TLR8: variants seen among roughly 807,000 people sequenced by gnomAD.
TLR8 encodes the protein toll like receptor 8, also known as toll-like receptor 8.
A neutral mutation model predicts 18.5 loss-of-function variants in TLR8; 5 were observed. The ratio of observed to expected loss-of-function variants is 0.27; its 90% CI spans 0.14 to 0.57. TLR8 has a LOEUF of 0.57. Ranked by LOEUF, TLR8 falls within the 20% of genes least tolerant of loss-of-function variation. The probability of loss-of-function intolerance (pLI) is 0.92; values close to 1 mark genes in which losing one functional copy is unlikely to be tolerated. For synonymous variants in TLR8, 299 were observed against 300.1 expected, an observed-to-expected ratio of 1.00 and a Z score of 0.04; for missense variants, 543 against 769.8, an observed-to-expected ratio of 0.71 and a Z score of 3.49.
rs2043078212 is a variant in TLR8, at chrX:12,919,392, G to A, written c.352G>A (p.Asp118Asn). Residue 118 changes from aspartate (D) to asparagine (N), a missense_variant, in exon 2 of 2, where the codon GAC (aspartate) becomes AAC (asparagine). Around this residue, in one of 4 missense-constraint regions of TLR8, gnomAD observed 117 missense variants for 111.0 expected, o/e 1.05. Coordinates refer to ENST00000218032, the MANE Select transcript of TLR8 (RefSeq NM_138636.5). ...GIQSNGLNIT[D>N]GAFLNLKNLR... The stretch of plus-strand genomic sequence containing the variant: ...ACAATCAAATGGCTTGAATATCACA[G>A]ACGGGGCATTCCTCAACCTAAAAAA... The A allele has an allele frequency of 5.8e-6, 7 of 1,211,628 alleles. No individual in the cohort carries two copies. Among genetic ancestry groups the A allele is most frequent in the Non-Finnish European group, 7.8e-6 (7 of 895,506 alleles).
rs1454779373 is a variant in TLR8 at position 12,922,328 on chromosome X, C to T, written c.*162C>T. Reference sequence around the variant, plus strand: ...TTGAGGGTCAGGAGTCCAGGCCCAGCATAACTGGGTCCTCTGCTCAGGGTG... The same window carrying T: ...TTGAGGGTCAGGAGTCCAGGCCCAGTATAACTGGGTCCTCTGCTCAGGGTG... On this transcript the variant is annotated 3_prime_UTR_variant, in exon 2 of 2. Coordinates refer to ENST00000218032, the MANE Select transcript of TLR8 (RefSeq NM_138636.5). 1 of 611,340 alleles carries T rather than the reference C, an allele frequency of 1.6e-6. No homozygotes were observed. Among genetic ancestry groups the T allele is most frequent in the Non-Finnish European group, 2.5e-6 (1 of 407,169 alleles). 50.4% of individuals were successfully genotyped at this position (611,340 alleles called of 1,213,427 possible). A position where few individuals can be genotyped will look rare whatever the true frequency, so the allele number is the denominator to read the frequency against.
chrX:12,920,187 A>T lies in TLR8; in HGVS notation c.1147A>T (p.Arg383Ter). ...AAGAGGTTATGTGTTCCAGGAACTC[A>T]GAGAAGATGATTTCCAGCCCCTGAT... The part of the protein sequence containing the change: ...HLRGYVFQEL[R>*]EDDFQPLMQL... The change falls in exon 2 of 2, where the codon AGA becomes TGA. Residue 383 changes from arginine to a stop codon, truncating the protein, a stop_gained. Coordinates refer to ENST00000218032, the MANE Select transcript of TLR8 (RefSeq NM_138636.5). LOFTEE classifies it low-confidence loss of function (END_TRUNC). 1 of 1,211,031 alleles carries T rather than the reference A, an allele frequency of 8.3e-7. No individual in the cohort carries two copies. Among genetic ancestry groups the T allele is most frequent in the African/African-American group, 1.7e-5 (1 of 57,850 alleles).
At chrX:12,917,080 A>G (rs1205871709) in intron 1 of TLR8, among the ~76,000 whole-genome samples, 1 of 111,992 alleles carries the variant, frequency 8.9e-6, no homozygotes, top group Non-Finnish European at 1.9e-5. Context: ...AAACGCTCGT[A>G]TGATTAGACT....
chrX:12,915,253 C>A (rs1190793952), intron 1 of TLR8, among the ~76,000 whole-genome samples: 2 of 111,709 alleles, frequency 1.8e-5, no homozygotes, highest in Non-Finnish European at 3.8e-5. Context: ...GCCTCCACCT[C>A]CCAGTCTCAG....
At position 12,921,803 on chromosome X, in the gene TLR8, T is replaced by C. The variant is rs759918951; in HGVS notation, c.2763T>C (p.Asp921=). ...TTCTCCTTTGTCTAGAGGAGAGGGA[T>C]TGGGACCCGGGATTGGCCATCATCG... ...KNVLLCLEER[D]WDPGLAIIDN... is the part of the protein sequence containing the mutation. The change falls in exon 2 of 2, where the codon GAT becomes GAC. Residue 921 remains aspartate, a synonymous_variant. Coordinates refer to ENST00000218032, the MANE Select transcript of TLR8 (RefSeq NM_138636.5). The C allele has an allele frequency of 4.1e-6, 5 of 1,209,818 alleles. No homozygotes were observed. Among genetic ancestry groups the C allele is most frequent in the South Asian group, 3.5e-5 (2 of 56,780 alleles).
intron 1 of TLR8, among the ~76,000 whole-genome samples, chrX:12,907,233 A>G (rs2042990847): frequency 8.9e-6 from 1 of 112,540 alleles, no homozygotes; most frequent in Non-Finnish European, 1.9e-5. Flanking sequence ...TCAGAGTTTT[A>G]AATAATTAGG....
chrX:12,919,119 G>A lies in TLR8; in HGVS notation c.79G>A (p.Glu27Lys), dbSNP rs144647258. The change falls in exon 2 of 2, where the codon GAA (glutamate) becomes AAA (lysine). Residue 27 changes from glutamate (E) to lysine (K), a missense_variant. Physicochemically the swap from Glu to Lys is moderately conservative, Grantham distance 56. Around this residue, in one of 4 missense-constraint regions of TLR8, gnomAD observed 117 missense variants for 111.0 expected, o/e 1.05. Transcript: ENST00000218032. Reference protein sequence around the residue: ...LISGSCELCAEENFSRSYPCD... With the variant: ...LISGSCELCAKENFSRSYPCD... ...ATCTGGTTCCTGTGAGTTATGCGCC[G>A]AAGAAAATTTTTCTAGAAGCTATCC... The A allele has an allele frequency of 1.2e-4, 149 of 1,210,065 alleles. No homozygotes were observed. The highest frequency in any genetic ancestry group is 6.9e-4 in the Middle Eastern group (3 of 4,353).
Position 12,920,295 on chromosome X carries a change from A to C in TLR8, c.1255A>C (p.Asn419His). The change falls in exon 2 of 2, where the codon AAT becomes CAT. Residue 419 changes from asparagine (N) to histidine (H), a missense_variant. Physicochemically the swap from Asn to His is moderately conservative, Grantham distance 68. Coordinates refer to ENST00000218032, the MANE Select transcript of TLR8 (RefSeq NM_138636.5). Reference sequence around the variant, plus strand: ...TTTCAAACTTTTCCAAAATTTCTCCAATCTGGAAATTATTTACTTGTCAGA... The same window carrying C: ...TTTCAAACTTTTCCAAAATTTCTCCCATCTGGAAATTATTTACTTGTCAGA... ...IDFKLFQNFS[N>H]LEIIYLSENR... 1 of 1,208,646 alleles carries C rather than the reference A, an allele frequency of 8.3e-7. No homozygotes were observed. The highest frequency in any genetic ancestry group is 1.1e-6 in the Non-Finnish European group (1 of 894,292).
At chrX:12,918,959 TG>T in intron 1 of TLR8, 84 bp from the exon 2 acceptor site, 1 of 991,567 alleles carries the variant, frequency 1.0e-6, no homozygotes, top group South Asian at 2.3e-5. Flanking sequence ...CATACAAGTA[TG>T]GGGCAGCGCT....
intron 1 of TLR8, among the ~76,000 whole-genome samples, chrX:12,913,667 G>T (rs1209920218): frequency 8.9e-6 from 1 of 112,438 alleles, no homozygotes; most frequent in African/African-American, 3.2e-5. Flanking sequence ...CTTGTATACA[G>T]ACATTTGCAT....
chrX:12,917,666 C>T (rs2043064565), intron 1 of TLR8, among the ~76,000 whole-genome samples: 1 of 111,945 alleles, frequency 8.9e-6, no homozygotes, highest in African/African-American at 3.2e-5. Context: ...ATATATTCAG[C>T]CCTCTATTTA....
Position 12,911,883 on chromosome X carries a change from C to T in TLR8, c.3+5174C>T, listed in dbSNP as rs186927998. On this transcript the variant is annotated intron_variant, in intron 1 of 1. Coordinates refer to ENST00000218032, the MANE Select transcript of TLR8 (RefSeq NM_138636.5). ...CTTCAGCCTTCTCTGCTTTGCTCTG[C>T]CCCATCTACTGTTCATCCACCTGCT... Among the ~76,000 whole-genome samples, 162 of 112,908 alleles carry T rather than the reference C, an allele frequency of 1.4e-3. 2 individuals carry two copies. In the Admixed American group the frequency reaches 0.015, roughly 10 times the overall value.
chrX:12,919,099 G>T lies in TLR8; in HGVS notation c.59G>T (p.Gly20Val), dbSNP rs866448188. ...MLTCIFLLIS[G>V]SCELCAEENF... Reference sequence around the variant, plus strand: ...ACCTGCATTTTCCTGCTAATATCTGGTTCCTGTGAGTTATGCGCCGAAGAA... The same window carrying T: ...ACCTGCATTTTCCTGCTAATATCTGTTTCCTGTGAGTTATGCGCCGAAGAA... The change falls in exon 2 of 2, where the codon GGT (glycine) becomes GTT (valine). Residue 20 changes from glycine to valine, a missense_variant. Transcript: ENST00000218032. 1 of 1,210,620 alleles carries T rather than the reference G, an allele frequency of 8.3e-7. No homozygotes were observed. Among genetic ancestry groups the T allele is most frequent in the South Asian group, 1.8e-5 (1 of 56,797 alleles).
rs769729480 is a variant in TLR8 at position 12,921,740 on chromosome X, G to C, written c.2700G>C (p.Glu900Asp). The C allele has an allele frequency of 8.3e-7, 1 of 1,211,242 alleles. No homozygotes were observed. Among genetic ancestry groups the C allele is most frequent in the South Asian group, 1.8e-5 (1 of 56,976 alleles). Residue 900 changes from glutamate to aspartate, a missense_variant, in exon 2 of 2, where the codon GAG (glutamate) becomes GAC (aspartate). Glu to Asp is a conservative substitution (Grantham distance 45). Transcript: ENST00000218032. ...DASVTDWVIN[E>D]LRYHLEESRD... ...CTGTTACTGACTGGGTGATAAATGA[G>C]CTGCGCTACCACCTTGAAGAGAGCC...
At chrX:12,907,770 G>A (rs1340104140) in intron 1 of TLR8, among the ~76,000 whole-genome samples, 4 of 110,389 alleles carry the variant, frequency 3.6e-5, no homozygotes, top group Middle Eastern at 4.7e-3. Context: ...CAGGTGATCC[G>A]CCTGTCTCAG....
rs762557660 is a variant in TLR8, at chrX:12,921,710, T to C, written c.2670T>C (p.Asp890=). The change falls in exon 2 of 2, where the codon GAT becomes GAC. Residue 890 remains aspartate (D), a synonymous_variant. Coordinates refer to ENST00000218032, the MANE Select transcript of TLR8 (RefSeq NM_138636.5). ...CTTACATTTCTTATGACACCAAAGA[T>C]GCCTCTGTTACTGACTGGGTGATAA... ...YDAYISYDTK[D]ASVTDWVINE... is the part of the protein sequence containing the mutation. 3 of 1,211,545 alleles carry C rather than the reference T, an allele frequency of 2.5e-6. No individual in the cohort carries two copies. The highest frequency in any genetic ancestry group is 3.4e-6 in the Non-Finnish European group (3 of 895,411).
At chrX:12,909,039 G>T (rs768903389) in intron 1 of TLR8, among the ~76,000 whole-genome samples, 2 of 111,981 alleles carry the variant, frequency 1.8e-5, no homozygotes, top group Admixed American at 1.9e-4. Context: ...GACATTATTT[G>T]TAAGTGCATC....
At chrX:12,917,839 C>G (rs1011393562) in intron 1 of TLR8, among the ~76,000 whole-genome samples, 1 of 112,135 alleles carries the variant, frequency 8.9e-6, no homozygotes, top group African/African-American at 3.2e-5. Context: ...AGTAATTATT[C>G]CACAAACAAT....
At chrX:12,911,533 G>A (rs1435007529) in intron 1 of TLR8, among the ~76,000 whole-genome samples, 2 of 111,592 alleles carry the variant, frequency 1.8e-5, no homozygotes, top group Non-Finnish European at 3.8e-5. Context: ...CCTTAATTCA[G>A]TAGATCCCAT....
Sources: allele counts gnomAD v4.1 joint callset (sites outside exome capture counted in the v4.1 genomes callset), GRCh38; gene constraint gnomAD v4.1.1; regional missense constraint gnomAD v4.1.1; transcripts MANE v1.5; gene names NCBI Gene and HGNC (gene_info 2026-07-23, HGNC 2026-07-21).